The following C7orf57 variants were observed in gnomAD, a reference collection of about 807,000 sequenced individuals.
C7orf57 encodes the protein uncharacterized protein C7orf57.
A neutral mutation model predicts 39.0 loss-of-function variants in C7orf57; 33 were observed. The observed-to-expected ratio is 0.85, with a 90% CI of 0.64 to 1.13. The LOEUF is 1.13. Ranked by LOEUF, C7orf57 falls within the 50% of genes most tolerant of loss-of-function variation. The pLI, the probability that C7orf57 is intolerant of heterozygous loss-of-function variation, is 0.00. For synonymous variants in C7orf57, 124 were observed against 137.1 expected (o/e 0.90, Z 0.67); for missense variants, 346 against 362.3 (o/e 0.95, Z 0.37).
At chr7:48,039,887 T>C (rs1790495958) in intron 2 of C7orf57, among the ~76,000 whole-genome samples, 1 of 152,146 alleles carries the variant, frequency 6.6e-6, no homozygotes, top group South Asian at 2.1e-4. Context: ...TTGTGTCACA[T>C]TAATTGCATC....
At chr7:48,037,604 G>A (rs374626861) in intron 2 of C7orf57, among the ~76,000 whole-genome samples, 11 of 152,006 alleles carry the variant, frequency 7.2e-5, no homozygotes, top group African/African-American at 2.4e-4. Context: ...TTAAATAAGA[G>A]TACTAATATA....
intron 8 of C7orf57, among the ~76,000 whole-genome samples, chr7:48,058,694 G>T (rs1362332492): frequency 6.6e-6 from 1 of 151,962 alleles, no homozygotes; most frequent in Non-Finnish European, 1.5e-5. Flanking sequence ...CTTGGGCTTA[G>T]ATTATTCTTT....
chr7:48,051,699 TTCTC>T (rs978706093), intron 6 of C7orf57, among the ~76,000 whole-genome samples: 27 of 132,048 alleles, frequency 2.0e-4, no homozygotes, highest in East Asian at 4.5e-4. Context: ...CTTTCTTTCT[TTCTC>T]TCTCTCTCTC....
Position 48,043,541 on chromosome 7 carries a change from C to A in C7orf57, c.302C>A (p.Pro101Gln). ...GGCTCTCCAGTGGCCTACTCCCTGC[C>A]AGACTGGTATATCCACCACAGCAAG... ...RKGSPVAYSL[P>Q]DWYIHHSKPP... The change falls in exon 4 of 9, where the codon CCA becomes CAA. Residue 101 changes from proline (P) to glutamine (Q), a missense_variant. Pro to Gln is a moderately conservative substitution (Grantham distance 76). Coordinates refer to ENST00000348904, the MANE Select transcript of C7orf57 (RefSeq NM_001100159.3). 6.2e-7 allele frequency: 1 copy of A among 1,613,938 alleles called. No homozygotes were observed. The highest frequency in any genetic ancestry group is 2.2e-5 in the East Asian group (1 of 44,882).
At chr7:48,051,817 CT>C (rs1790924418) in intron 6 of C7orf57, among the ~76,000 whole-genome samples, 48 of 51,146 alleles carry the variant, frequency 9.4e-4, no homozygotes, top group African/African-American at 2.1e-3. Context: ...CTTTTCTCTT[CT>C]CTTTCTTTCT....
At chr7:48,060,188 T>A in intron 8 of C7orf57, 38 bp from the exon 9 acceptor site, 2 of 1,361,316 alleles carry the variant, frequency 1.5e-6, no homozygotes, top group East Asian at 2.5e-5. Flanking sequence ...ATAGAAAATG[T>A]CATCTTTGTC....
At chr7:48,047,734 G>A (rs541152484) in intron 5 of C7orf57, among the ~76,000 whole-genome samples, 23 of 151,828 alleles carry the variant, frequency 1.5e-4, no homozygotes, top group Admixed American at 3.3e-4. Context: ...AGAAGTTCTC[G>A]CTCTGTCACC....
At chr7:48,052,133 C>A (rs112887707) in intron 6 of C7orf57, among the ~76,000 whole-genome samples, 6 of 151,556 alleles carry the variant, frequency 4.0e-5, no homozygotes, top group African/African-American at 1.5e-4. Flanking sequence ...GCCACCATGC[C>A]CAGCTAATTT....
rs755909497 is a variant in C7orf57 at position 48,043,590 on chromosome 7, G to GT, written c.350+2dup. 1.2e-6 allele frequency: 2 copies of GT among 1,612,238 alleles called. No homozygotes were observed. The highest frequency in any genetic ancestry group is 1.7e-6 in the Non-Finnish European group (2 of 1,178,446). On this transcript the variant is annotated splice_donor_variant, in intron 4 of 8. Coordinates refer to ENST00000348904, the MANE Select transcript of C7orf57 (RefSeq NM_001100159.3). LOFTEE classifies it high-confidence loss of function. The stretch of plus-strand genomic sequence containing the variant: ...AGCCACCGACAGCCAGCCAGCAAGA[G>GT]TAAGTACCTTAAAGCACTCACATTT...
intron 6 of C7orf57, among the ~76,000 whole-genome samples, chr7:48,051,856 TTTC>T (rs1157033644): frequency 2.5e-5 from 2 of 79,822 alleles, no homozygotes; most frequent in African/African-American, 6.5e-5. Context: ...TCTTTCTTTC[TTTC>T]TTTCTTTCTT....
intron 7 of C7orf57, among the ~76,000 whole-genome samples, chr7:48,053,537 A>G (rs13221735): frequency 0.31 from 46,536 of 151,930 alleles, 7,732 homozygotes; most frequent in Middle Eastern, 0.54. Context: ...CTGTAGCCTC[A>G]ACCTCCTGGG....
At position 48,049,896 on chromosome 7, in the gene C7orf57, T is replaced by C. The variant is rs1790823133; in HGVS notation, c.524T>C (p.Ile175Thr). The C allele has an allele frequency of 4.3e-6, 7 of 1,613,658 alleles. No homozygotes were observed. Among genetic ancestry groups the C allele is most frequent in the East Asian group, 2.2e-5 (1 of 44,886 alleles). ...KEKKKLRLPA[I>T]DSKYLSKAGT... Reference sequence around the variant, plus strand: ...CTCACACAGCTGAGGCTACCGGCCATTGACTCAAAGTATCTGAGCAAAGCA... The same window carrying C: ...CTCACACAGCTGAGGCTACCGGCCACTGACTCAAAGTATCTGAGCAAAGCA... The change falls in exon 6 of 9, where the codon ATT becomes ACT. Residue 175 changes from isoleucine to threonine, a missense_variant. Physicochemically the swap from Ile to Thr is moderately conservative, Grantham distance 89. Transcript: ENST00000348904.
chr7:48,037,198 G>C (rs1247045816), intron 2 of C7orf57, among the ~76,000 whole-genome samples: 1 of 152,150 alleles, frequency 6.6e-6, no homozygotes, highest in Admixed American at 6.5e-5. Flanking sequence ...AGGCCTGGCT[G>C]ATTTGCCTTT....
intron 8 of C7orf57, among the ~76,000 whole-genome samples, chr7:48,056,743 T>A (rs907370545): frequency 6.6e-6 from 1 of 152,168 alleles, no homozygotes; most frequent in Non-Finnish European, 1.5e-5. Context: ...ACTCAACCTA[T>A]AGCAGTTTTA....
Position 48,060,743 on chromosome 7 carries a change from C to T in C7orf57, c.*471C>T, listed in dbSNP as rs572364330. 2 of 152,350 alleles carry T rather than the reference C, an allele frequency of 1.3e-5. No individual in the cohort carries two copies. The highest frequency in any genetic ancestry group is 2.1e-4 in the South Asian group (1 of 4,824). 9.4% of individuals were successfully genotyped at this position (152,350 alleles called of 1,614,324 possible). Reference sequence around the variant, plus strand: ...TGGTGATACAGTTTATGTTAAGAAACATATTTTAATTTATTATGCCATGAA... The same window carrying T: ...TGGTGATACAGTTTATGTTAAGAAATATATTTTAATTTATTATGCCATGAA... On this transcript the variant is annotated 3_prime_UTR_variant, in exon 9 of 9. Transcript: ENST00000348904.
intron 5 of C7orf57, among the ~76,000 whole-genome samples, chr7:48,048,996 C>T (rs902388225): frequency 2.6e-5 from 4 of 152,208 alleles, no homozygotes; most frequent in African/African-American, 9.6e-5. Flanking sequence ...AAGCTCTCTC[C>T]AGCCAGGAAG....
At chr7:48,047,873 A>G (rs1301419387) in intron 5 of C7orf57, among the ~76,000 whole-genome samples, 1 of 152,062 alleles carries the variant, frequency 6.6e-6, no homozygotes, top group Non-Finnish European at 1.5e-5. Context: ...CACTCAGCCA[A>G]AATGGACCAT....
Position 48,053,287 on chromosome 7 carries a change from G to A in C7orf57, c.829+364G>A, listed in dbSNP as rs572305402. Among the ~76,000 whole-genome samples, 65 of 152,106 alleles carry A rather than the reference G, an allele frequency of 4.3e-4. No homozygotes were observed. In the South Asian group the frequency reaches 4.6e-3, roughly 11 times the overall value. The stretch of plus-strand genomic sequence containing the variant: ...TAAAAGGACTTTTGCATAAGCAGCC[G>A]GTACTTTTTGAGATCACTTCTTAAA... On this transcript the variant is annotated intron_variant, in intron 7 of 8. Transcript: ENST00000348904.
At position 48,046,512 on chromosome 7, in the gene C7orf57, G is replaced by A. The variant is rs779873173; in HGVS notation, c.403G>A (p.Asp135Asn). ...CATGGTTCATGAAGAATTTAACCCC[G>A]ATCAAGCCAATGGTAGCTATGCATC... The part of the protein sequence containing the change: ...DYMVHEEFNP[D>N]QANGSYASRR... Residue 135 changes from aspartate to asparagine, a missense_variant, in exon 5 of 9, where the codon GAT becomes AAT. By Grantham distance (23) the Asp-to-Asn change is conservative. Transcript: ENST00000348904. The A allele has an allele frequency of 3.1e-5, 50 of 1,613,666 alleles. No homozygotes were observed. The highest frequency in any genetic ancestry group is 1.6e-4 in the Middle Eastern group (1 of 6,084).
Sources: gnomAD v4.1 joint callset for allele counts (sites outside exome capture counted in the v4.1 genomes callset) on GRCh38, gnomAD v4.1.1 for gene constraint, MANE v1.5 for transcripts, NCBI Gene and HGNC (gene_info 2026-07-23, HGNC 2026-07-21) for gene names.